Variants in SF3B1 observed in about 807,000 individuals in gnomAD.
SF3B1 encodes pre-mRNA processing 10.
Under a neutral mutation model 153.8 loss-of-function variants are expected in SF3B1, and 12 were observed. The observed-to-expected ratio is 0.08, with a 90% CI of 0.05 to 0.13. SF3B1 has a LOEUF of 0.13. Ranked by LOEUF, SF3B1 falls within the 10% of genes least tolerant of loss-of-function variation. The pLI, the probability that SF3B1 is intolerant of heterozygous loss-of-function variation, is 1.00. For synonymous variants in SF3B1, 498 were observed against 525.2 expected, an observed-to-expected ratio of 0.95 and a Z score of 0.71; for missense variants, 513 against 1,606.1, an observed-to-expected ratio of 0.32 and a Z score of 11.63.
chr2:197,429,348 T>C (rs965367387), intron 1 of SF3B1, among the ~76,000 whole-genome samples: 1 of 152,204 alleles, frequency 6.6e-6, no homozygotes, highest in Non-Finnish European at 1.5e-5. Flanking sequence ...GTTTCTGCCT[T>C]TTTATTACTG....
rs561360410 is a variant in SF3B1, at chr2:197,425,620, T to C, written c.29-1646A>G. Among the ~76,000 whole-genome samples the C allele has an allele frequency of 5.3e-5, 8 of 152,160 alleles. No individual in the cohort carries two copies. In the East Asian group the frequency reaches 1.5e-3, roughly 29 times the overall value. On this transcript the variant is annotated intron_variant, in intron 1 of 24. Coordinates refer to ENST00000335508, the MANE Select transcript of SF3B1 (RefSeq NM_012433.4). ...GAAAGCCCTCTATAGTTCCTCAAGA[T>C]AGATGTGCAGGATAACAAAATGTCC...
intron 24 of SF3B1, 65 bp downstream of exon 24, chr2:197,392,907 C>T: frequency 2.1e-6 from 2 of 939,956 alleles, no homozygotes; most frequent in Non-Finnish European, 3.3e-6. Context: ...GCACAAGTAT[C>T]CCAGAACTTA....
chr2:197,420,328 A>T, intron 4 of SF3B1, 100 bp downstream of exon 4: 1 of 846,332 alleles, frequency 1.2e-6, no homozygotes, highest in Non-Finnish European at 2.0e-6. Flanking sequence ...TTTTAAAAAG[A>T]AAAGCAAATT....
At chr2:197,422,513 G>T (rs2085261567) in intron 2 of SF3B1, among the ~76,000 whole-genome samples, 1 of 151,774 alleles carries the variant, frequency 6.6e-6, no homozygotes, top group South Asian at 2.1e-4. Flanking sequence ...TACGTAACCT[G>T]CACATTGTGC....
chr2:197,428,405 C>G (rs541771410), intron 1 of SF3B1, among the ~76,000 whole-genome samples: 1 of 152,254 alleles, frequency 6.6e-6, no homozygotes, highest in Non-Finnish European at 1.5e-5. Context: ...CCTATCCATG[C>G]CAGCCAAGGT....
intron 1 of SF3B1, among the ~76,000 whole-genome samples, chr2:197,424,398 A>G (rs556164215): frequency 6.6e-6 from 1 of 151,642 alleles, no homozygotes; most frequent in African/African-American, 2.4e-5. Context: ...GTATTTGGGA[A>G]GTTGAGGCAG....
intron 1 of SF3B1, among the ~76,000 whole-genome samples, chr2:197,424,236 C>T (rs2085294440): frequency 6.6e-6 from 1 of 152,190 alleles, no homozygotes; most frequent in Non-Finnish European, 1.5e-5. Context: ...CTGTGGCTCA[C>T]GCCTATAATC....
chr2:197,415,647 T>C (rs998350806), intron 6 of SF3B1, among the ~76,000 whole-genome samples: 3 of 152,168 alleles, frequency 2.0e-5, no homozygotes, highest in African/African-American at 7.2e-5. Context: ...ACAAACATAA[T>C]AAAGGCACAT....
intron 6 of SF3B1, among the ~76,000 whole-genome samples, chr2:197,416,067 C>T (rs1332755480): frequency 6.6e-6 from 1 of 150,984 alleles, no homozygotes; most frequent in African/African-American, 2.4e-5. Context: ...AATCCTCCCA[C>T]CTGGACCCCC....
chr2:197,405,491 C>A lies in SF3B1; in HGVS notation c.1240-19G>T. On this transcript the variant is annotated intron_variant, in intron 9 of 24. Coordinates refer to ENST00000335508, the MANE Select transcript of SF3B1 (RefSeq NM_012433.4). ...GAAGTACCTAATAAAAGTTATAAGA[C>A]AGTTTAGGATTTTCTTAACTTAAAA... 6.4e-7 allele frequency: 1 copy of A among 1,562,620 alleles called. No individual in the cohort carries two copies. The highest frequency in any genetic ancestry group is 8.8e-7 in the Non-Finnish European group (1 of 1,141,304).
chr2:197,404,345 C>T (rs1253603764), intron 11 of SF3B1, among the ~76,000 whole-genome samples: 7 of 151,762 alleles, frequency 4.6e-5, no homozygotes, highest in South Asian at 2.1e-4. Context: ...TTTGGGAGAC[C>T]GAGGCAGGTT....
intron 12 of SF3B1, 98 bp downstream of exon 12, chr2:197,403,487 G>A (rs927154468): frequency 1.4e-6 from 1 of 731,766 alleles, no homozygotes; most frequent in Middle Eastern, 3.9e-4. Context: ...GTGTACTTGT[G>A]CAAAGGAAAA....
intron 24 of SF3B1, 77 bp from the exon 25 acceptor site, chr2:197,392,538 GAT>G: frequency 3.7e-6 from 1 of 269,562 alleles, no homozygotes; most frequent in Non-Finnish European, 6.6e-6. Flanking sequence ...AAAACATAAA[GAT>G]ATGATTCAAA....
rs779446735 is a variant in SF3B1 at position 197,412,970 on chromosome 2, CAAAAAAA to C, written c.667-2970_667-2964del. On this transcript the variant is annotated intron_variant, in intron 6 of 24. Transcript: ENST00000335508. ...GGGTGACAGAGCAAGACTGTTGTCT[CAAAAAAA>C]AAAAAAAAAAAAAAAAAAGATATCA... 5.5e-4 allele frequency among the ~76,000 whole-genome samples: 25 copies of C among 45,512 alleles called. 1 individual carries two copies. The South Asian group carries it at 7.5e-3, about 14-fold the overall frequency. 29.9% of individuals were successfully genotyped at this position (45,512 alleles called of 152,430 possible).
chr2:197,421,750 A>G (rs2565160), intron 2 of SF3B1, among the ~76,000 whole-genome samples: 107,788 of 151,920 alleles, frequency 0.71, 38,982 homozygotes, highest in Middle Eastern at 0.86. Flanking sequence ...AGGCCGAGGC[A>G]AGGGACTAAT....
At position 197,398,187 on chromosome 2, in the gene SF3B1, A is replaced by G. The variant is rs1327454937; in HGVS notation, c.3135-71T>C. The stretch of plus-strand genomic sequence containing the variant: ...GTTTTAAGGATAAATTTGCAAATTC[A>G]GTTCTAAAAACATGATTAACTCATT... On this transcript the variant is annotated intron_variant, in intron 21 of 24. Coordinates refer to ENST00000335508, the MANE Select transcript of SF3B1 (RefSeq NM_012433.4). The G allele has an allele frequency of 5.6e-6, 7 of 1,254,436 alleles. No individual in the cohort carries two copies. In the Admixed American group the frequency reaches 5.7e-5, roughly 10 times the overall value. The allele number at this position is 1,254,436 out of a possible 1,614,324, so 77.7% of individuals were successfully genotyped here.
At chr2:197,410,101 A>C (rs1209693282) in intron 6 of SF3B1, 94 bp from the exon 7 acceptor site, 1 of 779,358 alleles carries the variant, frequency 1.3e-6, no homozygotes, top group Non-Finnish European at 2.1e-6. Flanking sequence ...AAAATGTTTT[A>C]GTTCTATGCA....
intron 6 of SF3B1, among the ~76,000 whole-genome samples, chr2:197,413,439 T>A (rs2085101341): frequency 6.6e-6 from 1 of 151,974 alleles, no homozygotes; most frequent in Non-Finnish European, 1.5e-5. Flanking sequence ...ATAAAGCTAG[T>A]AGTTACTTAT....
chr2:197,399,964 C>G (rs962337936), intron 20 of SF3B1, 91 bp downstream of exon 20: 2 of 872,748 alleles, frequency 2.3e-6, no homozygotes, highest in Admixed American at 5.1e-5. Context: ...CAAAAACCTC[C>G]CAACTCCTAA....
Sources: allele counts gnomAD v4.1 joint callset (sites outside exome capture counted in the v4.1 genomes callset), GRCh38; gene constraint gnomAD v4.1.1; transcripts MANE v1.5; gene names NCBI Gene and HGNC (gene_info 2026-07-23, HGNC 2026-07-21).